ARL15: variants seen among roughly 807,000 people sequenced by gnomAD.
ARL15 encodes the protein ARF like GTPase 15, also known as ADP-ribosylation factor-like protein 15.
A neutral mutation model predicts 25.2 loss-of-function variants in ARL15; 19 were observed. The observed-to-expected ratio is 0.75, with a 90% confidence interval of 0.53 to 1.10. The LOEUF (loss-of-function observed/expected upper bound fraction) is 1.10. Among genes scored for constraint, ARL15 ranks in the 50% least tolerant of loss-of-function variants. The probability of loss-of-function intolerance (pLI) is 0.00; values close to 1 mark genes in which losing one functional copy is unlikely to be tolerated. For synonymous variants in ARL15, 94 were observed against 86.8 expected (o/e 1.08, Z -0.46); for missense variants, 220 against 246.0 (o/e 0.89, Z 0.71).
intron 1 of ARL15, among the ~76,000 whole-genome samples, chr5:54,302,390 CCTCTTTT>C (rs1758636395): frequency 1.3e-5 from 2 of 152,138 alleles, no homozygotes; most frequent in African/African-American, 4.8e-5. Context: ...TCTCAAGTTT[CCTCTTTT>C]CTAAGTTGCT....
chr5:54,013,095 C>T (rs950070346), intron 4 of ARL15, among the ~76,000 whole-genome samples: 3 of 152,144 alleles, frequency 2.0e-5, no homozygotes, highest in African/African-American at 4.8e-5. Flanking sequence ...CCACCACGCC[C>T]GGACTTCTTT....
chr5:53,990,779 C>T lies in ARL15; in HGVS notation c.463-104066G>A, dbSNP rs138999955. 3.1e-4 allele frequency among the ~76,000 whole-genome samples: 47 copies of T among 152,222 alleles called. No homozygotes were observed. In the East Asian group the frequency reaches 8.7e-3, roughly 28 times the overall value. On this transcript the variant is annotated intron_variant, in intron 4 of 4. Coordinates refer to ENST00000504924, the MANE Select transcript of ARL15 (RefSeq NM_019087.3). Reference sequence around the variant, plus strand: ...GGATGCTCATATCACAGGGAACCCTCTTATGAATGATTCTGCAAGAGAAGA... The same window carrying T: ...GGATGCTCATATCACAGGGAACCCTTTTATGAATGATTCTGCAAGAGAAGA...
At chr5:53,945,119 C>A (rs992481513) in intron 4 of ARL15, among the ~76,000 whole-genome samples, 1 of 152,206 alleles carries the variant, frequency 6.6e-6, no homozygotes, top group Admixed American at 6.5e-5. Flanking sequence ...GCTTCCTCGT[C>A]TCTACTCAAC....
chr5:54,141,742 G>A (rs1247463618), intron 3 of ARL15, among the ~76,000 whole-genome samples: 1 of 151,924 alleles, frequency 6.6e-6, no homozygotes, highest in Non-Finnish European at 1.5e-5. Flanking sequence ...GCAATCACTG[G>A]TCTTTCTGTC....
At chr5:53,894,242 A>C (rs1332682469) in intron 4 of ARL15, among the ~76,000 whole-genome samples, 1 of 152,238 alleles carries the variant, frequency 6.6e-6, no homozygotes, top group Non-Finnish European at 1.5e-5. Context: ...AATTGCAGGT[A>C]ATCACCTGTG....
At chr5:54,157,696 C>G (rs1404212097) in intron 2 of ARL15, among the ~76,000 whole-genome samples, 1 of 152,206 alleles carries the variant, frequency 6.6e-6, no homozygotes, top group Non-Finnish European at 1.5e-5. Context: ...CAGGCACGAG[C>G]CTCCGCACCC....
rs373613255 is a variant in ARL15 at position 53,946,926 on chromosome 5, C to T, written c.463-60213G>A. 3.3e-5 allele frequency among the ~76,000 whole-genome samples: 5 copies of T among 152,180 alleles called. No individual in the cohort carries two copies. In the South Asian group the frequency reaches 1.0e-3, roughly 32 times the overall value. The stretch of plus-strand genomic sequence containing the variant: ...ATAATCAAGCAAAGCTAATTAATTA[C>T]AGCCAAACTCTATTATAAAGCTGTA... On this transcript the variant is annotated intron_variant, in intron 4 of 4. Transcript: ENST00000504924.
Position 53,947,121 on chromosome 5 carries a change from T to G in ARL15, c.463-60408A>C, listed in dbSNP as rs566041056. Among the ~76,000 whole-genome samples, 63 of 151,414 alleles carry G rather than the reference T, an allele frequency of 4.2e-4. 1 individual carries two copies. In the South Asian group the frequency reaches 0.013, roughly 31 times the overall value. ...CTAGTCTGTATCAGAGTTTACTGTA[T>G]CTTAAACAGTAAACAAAGGTCTAGC... is the stretch of plus-strand genomic sequence containing the variant. On this transcript the variant is annotated intron_variant, in intron 4 of 4. Coordinates refer to ENST00000504924, the MANE Select transcript of ARL15 (RefSeq NM_019087.3).
intron 4 of ARL15, among the ~76,000 whole-genome samples, chr5:54,112,602 G>T (rs1007926030): frequency 6.6e-6 from 1 of 152,068 alleles, no homozygotes; most frequent in Non-Finnish European, 1.5e-5. Flanking sequence ...AAGCTCTATT[G>T]GCTGAGACTC....
chr5:53,938,473 G>A (rs1265707776), intron 4 of ARL15, among the ~76,000 whole-genome samples: 1 of 152,154 alleles, frequency 6.6e-6, no homozygotes, highest in Non-Finnish European at 1.5e-5. Flanking sequence ...TCAGTATTTT[G>A]CATACATCAA....
intron 4 of ARL15, among the ~76,000 whole-genome samples, chr5:54,043,410 C>T (rs887208021): frequency 5.3e-5 from 8 of 152,088 alleles, no homozygotes; most frequent in Admixed American, 2.0e-4. Flanking sequence ...CTTTGACATT[C>T]TAGGATTCTG....
At chr5:54,120,293 A>C (rs937911988) in intron 3 of ARL15, among the ~76,000 whole-genome samples, 8 of 152,336 alleles carry the variant, frequency 5.3e-5, no homozygotes, top group African/African-American at 1.9e-4. Flanking sequence ...TCTGATATTA[A>C]GAATTCCTTA....
At chr5:53,964,867 C>T (rs532769442) in intron 4 of ARL15, among the ~76,000 whole-genome samples, 4 of 152,292 alleles carry the variant, frequency 2.6e-5, no homozygotes, top group African/African-American at 9.6e-5. Flanking sequence ...AGTAAAAGAG[C>T]AGTGGATGAA....
chr5:53,950,856 G>T (rs888931637), intron 4 of ARL15, among the ~76,000 whole-genome samples: 1 of 152,182 alleles, frequency 6.6e-6, no homozygotes, highest in Non-Finnish European at 1.5e-5. Flanking sequence ...GTGAAAGTAA[G>T]TGGCAATTAA....
In ARL15 at chr5:53,884,920, T is replaced by C. The variant is rs1744468666; in HGVS notation, c.*1641A>G. ...CAGTGTTAAAAATATTCAAGAATGC[T>C]GCAGACAAAATTGTATACGAATCAC... On this transcript the variant is annotated 3_prime_UTR_variant, in exon 5 of 5. Transcript: ENST00000504924. 6.6e-6 allele frequency: 1 copy of C among 152,422 alleles called. No individual in the cohort carries two copies. The highest frequency in any genetic ancestry group is 1.5e-5 in the Non-Finnish European group (1 of 68,018). 9.4% of individuals were successfully genotyped at this position (152,422 alleles called of 1,614,324 possible). A position where few individuals can be genotyped will look rare whatever the true frequency, so the allele number is the denominator to read the frequency against.
At chr5:54,205,859 T>C (rs1038986153) in intron 1 of ARL15, among the ~76,000 whole-genome samples, 4 of 152,180 alleles carry the variant, frequency 2.6e-5, no homozygotes, top group African/African-American at 4.8e-5. Flanking sequence ...TCCTTGTCCT[T>C]TTCCTCAAAT....
chr5:54,043,174 C>T (rs971008074), intron 4 of ARL15, among the ~76,000 whole-genome samples: 1 of 150,732 alleles, frequency 6.6e-6, no homozygotes, highest in Non-Finnish European at 1.5e-5. Flanking sequence ...GAATTATTTG[C>T]TCTTTCTCTT....
chr5:54,131,542 T>A (rs1277972263), intron 3 of ARL15, among the ~76,000 whole-genome samples: 1 of 152,232 alleles, frequency 6.6e-6, no homozygotes, highest in Non-Finnish European at 1.5e-5. Context: ...GCCAGAGTAG[T>A]CAGTTATCTA....
chr5:54,131,585 T>C (rs1312075398), intron 3 of ARL15, among the ~76,000 whole-genome samples: 3 of 152,218 alleles, frequency 2.0e-5, no homozygotes, highest in Non-Finnish European at 2.9e-5. Flanking sequence ...CTTTCTATTT[T>C]GTACCATTGT....
Sources: allele counts gnomAD v4.1 joint callset (sites outside exome capture counted in the v4.1 genomes callset), GRCh38; gene constraint gnomAD v4.1.1; transcripts MANE v1.5; gene names NCBI Gene and HGNC (gene_info 2026-07-23, HGNC 2026-07-21).